PTPRZ1: variants seen among roughly 807,000 people sequenced by gnomAD.
PTPRZ1 encodes the protein protein tyrosine phosphatase receptor type Z1.
In PTPRZ1, 82 loss-of-function variants were observed where a neutral mutation model predicts 214.1. The observed-to-expected ratio is 0.38, with a 90% CI of 0.32 to 0.46. The LOEUF (loss-of-function observed/expected upper bound fraction) is 0.46, where lower values mean the gene tolerates loss of function less well. PTPRZ1 is among the 20% of genes least tolerant of loss of function. The probability of loss-of-function intolerance (pLI) is 1.00; values close to 1 mark genes in which losing one functional copy is unlikely to be tolerated. For missense variants in PTPRZ1, 2,603 were observed against 2,748.7 expected (o/e 0.95, Z 1.19); for synonymous variants, 945 against 987.9 (o/e 0.96, Z 0.81).
Position 122,061,074 on chromosome 7 carries a change from C to T in PTPRZ1, c.6808-6C>T. The T allele has an allele frequency of 6.3e-7, 1 of 1,585,326 alleles. No homozygotes were observed. The highest frequency in any genetic ancestry group is 8.6e-7 in the Non-Finnish European group (1 of 1,166,646). On this transcript the variant is annotated splice_region_variant and splice_polypyrimidine_tract_variant and intron_variant, in intron 29 of 29. Transcript: ENST00000393386. ...CATTTATTACCTCCCATCTTCTGTTCTCTAGGAGCAGTATCAGTTTCTCTA... is the reference window on the plus strand; with the variant it reads ...CATTTATTACCTCCCATCTTCTGTTTTCTAGGAGCAGTATCAGTTTCTCTA...
intron 1 of PTPRZ1, among the ~76,000 whole-genome samples, chr7:121,895,866 T>C (rs1360871429): frequency 1.3e-5 from 2 of 152,230 alleles, no homozygotes; most frequent in Non-Finnish European, 2.9e-5. Flanking sequence ...TGATGTATTC[T>C]TCTCCTATCC....
Position 122,012,919 on chromosome 7 carries a change from G to A in PTPRZ1, c.3873G>A (p.Glu1291=). Residue 1291 remains glutamate (E), a synonymous_variant, in exon 12 of 30, where the codon GAG becomes GAA. Transcript: ENST00000393386. ...TACCTTCTTTGTACAGTAATGATGA[G>A]TTGTTCCAAACGGCCAATTTGGAGA... The part of the protein sequence containing the change: ...QVVPSLYSND[E]LFQTANLEIN... 6.2e-7 allele frequency: 1 copy of A among 1,614,134 alleles called. No homozygotes were observed. Among genetic ancestry groups the A allele is most frequent in the Non-Finnish European group, 8.5e-7 (1 of 1,180,000 alleles).
intron 1 of PTPRZ1, among the ~76,000 whole-genome samples, chr7:121,919,551 T>C (rs1795528793): frequency 1.3e-5 from 2 of 152,202 alleles, no homozygotes; most frequent in African/African-American, 4.8e-5. Context: ...TAGAAATGCA[T>C]CCCCCATCTT....
chr7:122,057,962 G>A (rs940731081), intron 27 of PTPRZ1, among the ~76,000 whole-genome samples: 12 of 84,308 alleles, frequency 1.4e-4, no homozygotes, highest in African/African-American at 7.3e-4. Context: ...GTGTGTGTGT[G>A]TGTGTGTATA....
At chr7:122,034,186 T>C in intron 16 of PTPRZ1, 71 bp downstream of exon 16, 1 of 1,562,932 alleles carries the variant, frequency 6.4e-7, no homozygotes, top group African/African-American at 1.4e-5. Context: ...TTTCATTTGA[T>C]AGATTATTTT....
chr7:122,044,369 A>T, intron 22 of PTPRZ1, 53 bp from the exon 23 acceptor site: 1 of 1,601,880 alleles, frequency 6.2e-7, no homozygotes, highest in South Asian at 1.1e-5. Flanking sequence ...TTGTAGGTAG[A>T]TACATATGAG....
In PTPRZ1 at chr7:122,010,569, C is replaced by T. The variant is rs1798618825; in HGVS notation, c.1523C>T (p.Thr508Ile). The T allele has an allele frequency of 6.2e-7, 1 of 1,613,482 alleles. No individual in the cohort carries two copies. Among genetic ancestry groups the T allele is most frequent in the Non-Finnish European group, 8.5e-7 (1 of 1,179,396 alleles). The change falls in exon 12 of 30, where the codon ACT becomes ATT. Residue 508 changes from threonine (T) to isoleucine (I), a missense_variant. Physicochemically the swap from Thr to Ile is moderately conservative, Grantham distance 89. Around this residue, in one of 6 missense-constraint regions of PTPRZ1, gnomAD observed 1,913 missense variants for 1,914.3 expected, o/e 1.00. Transcript: ENST00000393386. Reference protein sequence around the residue: ...TSLNSTSQPVTKLATEKDISL... With the variant: ...TSLNSTSQPVIKLATEKDISL... ...TTAAATTCCACTTCCCAACCAGTCACTAAATTAGCCACAGAAAAAGATATT... is the reference window on the plus strand; with the variant it reads ...TTAAATTCCACTTCCCAACCAGTCATTAAATTAGCCACAGAAAAAGATATT...
In PTPRZ1 at chr7:122,055,013, A is replaced by G. The variant is rs781734498; in HGVS notation, c.6454A>G (p.Met2152Val). The G allele has an allele frequency of 1.9e-6, 3 of 1,606,428 alleles. No individual in the cohort carries two copies. Among genetic ancestry groups the G allele is most frequent in the South Asian group, 1.1e-5 (1 of 90,590 alleles). The change falls in exon 27 of 30, where the codon ATG (methionine) becomes GTG (valine). Residue 2152 changes from methionine (M) to valine (V), a missense_variant. Met to Val is a conservative substitution (Grantham distance 21, BLOSUM62 1). Around this residue, in one of 6 missense-constraint regions of PTPRZ1, gnomAD observed 134 missense variants for 183.3 expected, o/e 0.73. Coordinates refer to ENST00000393386, the MANE Select transcript of PTPRZ1 (RefSeq NM_002851.3). Reference sequence around the variant, plus strand: ...TTGTGAGAGCTTTAAGGTCACTCTTATGGCTGAAGAACACAAATGTCTATC... The same window carrying G: ...TTGTGAGAGCTTTAAGGTCACTCTTGTGGCTGAAGAACACAAATGTCTATC... ...INCESFKVTL[M>V]AEEHKCLSNE...
rs1401687632 is a variant in PTPRZ1, at chr7:122,051,577, A to G, written c.6178+56A>G. The G allele has an allele frequency of 3.4e-6, 5 of 1,475,592 alleles. No individual in the cohort carries two copies. In the East Asian group the frequency reaches 9.1e-5, roughly 27 times the overall value. 91.4% of individuals were successfully genotyped at this position (1,475,592 alleles called of 1,614,324 possible). On this transcript the variant is annotated intron_variant, in intron 24 of 29. Transcript: ENST00000393386. The stretch of plus-strand genomic sequence containing the variant: ...TTTTTTAAAATAATAAAAGCCTTGT[A>G]GGAAATTTGGCAATATTTGTATACC...
intron 1 of PTPRZ1, among the ~76,000 whole-genome samples, chr7:121,885,139 G>A (rs1794360439): frequency 6.6e-6 from 1 of 152,150 alleles, no homozygotes. Context: ...AAATAATTGG[G>A]TAAGTAGGAA....
intron 13 of PTPRZ1, among the ~76,000 whole-genome samples, chr7:122,020,331 A>G (rs1428438384): frequency 6.6e-6 from 1 of 152,224 alleles, no homozygotes; most frequent in Non-Finnish European, 1.5e-5. Flanking sequence ...ATAAAAATGT[A>G]TAAAATATTA....
chr7:121,985,059 AAAC>A (rs1418246268), intron 8 of PTPRZ1, among the ~76,000 whole-genome samples: 4 of 152,200 alleles, frequency 2.6e-5, no homozygotes, highest in South Asian at 2.1e-4. Flanking sequence ...TTAGGCATTA[AAAC>A]AACAAGCTTT....
At chr7:122,017,860 C>T (rs912325461) in intron 12 of PTPRZ1, among the ~76,000 whole-genome samples, 1 of 152,068 alleles carries the variant, frequency 6.6e-6, no homozygotes, top group African/African-American at 2.4e-5. Context: ...GCATGAGCCA[C>T]CACGCCCAGC....
Position 122,060,040 on chromosome 7 carries a change from GAAC to G in PTPRZ1, c.6807+160_6807+162del, listed in dbSNP as rs933071575. The G allele has an allele frequency of 5.5e-5, 42 of 764,042 alleles. No homozygotes were observed. The African/African-American group carries it at 6.1e-4, about 11-fold the overall frequency. 47.3% of individuals were successfully genotyped at this position (764,042 alleles called of 1,614,324 possible). A position where few individuals can be genotyped will look rare whatever the true frequency, so the allele number is the denominator to read the frequency against. Reference sequence around the variant, plus strand: ...CTGAATTACAAGTCCACAATCCATAGAACAACAACATTTAAAATTTATACTTCA... The same window carrying G: ...CTGAATTACAAGTCCACAATCCATAGAACAACATTTAAAATTTATACTTCA... On this transcript the variant is annotated intron_variant, in intron 29 of 29. Coordinates refer to ENST00000393386, the MANE Select transcript of PTPRZ1 (RefSeq NM_002851.3).
Position 122,061,478 on chromosome 7 carries a change from C to G in PTPRZ1, c.*258C>G. 1 of 243,788 alleles carries G rather than the reference C, an allele frequency of 4.1e-6. No homozygotes were observed. Among genetic ancestry groups the G allele is most frequent in the Non-Finnish European group, 7.8e-6 (1 of 128,912 alleles). The allele number at this position is 243,788 out of a possible 1,614,324, so 15.1% of individuals were successfully genotyped here. On this transcript the variant is annotated 3_prime_UTR_variant, in exon 30 of 30. Coordinates refer to ENST00000393386, the MANE Select transcript of PTPRZ1 (RefSeq NM_002851.3). ...AAGAATGGAATTGTGGTATTTTTTTCTGTATTGATTTTAACAGAAAATTTC... is the reference window on the plus strand; with the variant it reads ...AAGAATGGAATTGTGGTATTTTTTTGTGTATTGATTTTAACAGAAAATTTC...
rs904451357 is a variant in PTPRZ1 at position 122,013,890 on chromosome 7, G to A, written c.4843+1G>A. On this transcript the variant is annotated splice_donor_variant, in intron 12 of 29. Coordinates refer to ENST00000393386, the MANE Select transcript of PTPRZ1 (RefSeq NM_002851.3). LOFTEE classifies it high-confidence loss of function. Reference sequence around the variant, plus strand: ...GAAGTGTTCCACGTTTCAGAGGCAGGTTAGTTACGGATCAGAAGGACAGAT... The same window carrying A: ...GAAGTGTTCCACGTTTCAGAGGCAGATTAGTTACGGATCAGAAGGACAGAT... 6.3e-7 allele frequency: 1 copy of A among 1,595,718 alleles called. No individual in the cohort carries two copies. Among genetic ancestry groups the A allele is most frequent in the African/African-American group, 1.3e-5 (1 of 74,452 alleles).
intron 2 of PTPRZ1, among the ~76,000 whole-genome samples, chr7:121,943,987 A>T (rs1032142840): frequency 2.0e-4 from 30 of 152,248 alleles, no homozygotes; most frequent in African/African-American, 7.0e-4. Context: ...GACATTTAAA[A>T]AGTAGCAGTA....
At chr7:122,039,038 G>C (rs758748028) in intron 19 of PTPRZ1, 149 bp downstream of exon 19, 145 of 809,492 alleles carry the variant, frequency 1.8e-4, no homozygotes, top group Non-Finnish European at 2.5e-4. Context: ...AAGGGAAACT[G>C]TTAATACTGT....
chr7:121,885,731 A>G (rs890247248), intron 1 of PTPRZ1, among the ~76,000 whole-genome samples: 5 of 152,224 alleles, frequency 3.3e-5, no homozygotes, highest in African/African-American at 9.6e-5. Flanking sequence ...AAGTATTTCA[A>G]TTCCCTATTT....
Sources: gnomAD v4.1 joint callset for allele counts (sites outside exome capture counted in the v4.1 genomes callset) on GRCh38, gnomAD v4.1.1 for gene constraint, gnomAD v4.1.1 regional missense constraint, MANE v1.5 for transcripts, NCBI Gene and HGNC (gene_info 2026-07-23, HGNC 2026-07-21) for gene names.